MARK4: variants seen among roughly 807,000 people sequenced by gnomAD.
MARK4 encodes MAP/microtubule affinity-regulating kinase 4.
Under a neutral mutation model 81.5 loss-of-function variants are expected in MARK4, and 19 were observed. The observed-to-expected ratio is 0.23, with a 90% CI of 0.16 to 0.34. The LOEUF is 0.34. Ranked by LOEUF, MARK4 falls within the 10% of genes least tolerant of loss-of-function variation. The probability of loss-of-function intolerance (pLI) is 1.00; values close to 1 mark genes in which losing one functional copy is unlikely to be tolerated. For synonymous variants in MARK4, 436 were observed against 439.0 expected (o/e 0.99, Z 0.08); for missense variants, 772 against 1,058.8 (o/e 0.73, Z 3.76).
At position 45,271,448 on chromosome 19, in the gene MARK4, C is replaced by T. The variant is rs758424269; in HGVS notation, c.550-24C>T. ...GGCTTTGGCCTTGAGTCCCACTTTC[C>T]GCCCTCTCCTTCTCTCCCTGCAGGC... On this transcript the variant is annotated intron_variant, in intron 7 of 16. Transcript: ENST00000262891. This position sits in a 1 kb window ranked among gnomAD's most constrained non-coding sequence, Gnocchi z 4.1. 21 of 1,608,866 alleles carry T rather than the reference C, an allele frequency of 1.3e-5. No homozygotes were observed. The highest frequency in any genetic ancestry group is 2.2e-5 in the East Asian group (1 of 44,852).
chr19:45,301,925 T>C (rs1311661130), intron 16 of MARK4, among the ~76,000 whole-genome samples: 1 of 151,940 alleles, frequency 6.6e-6, no homozygotes, highest in Non-Finnish European at 1.5e-5. Context: ...TCAAACCATG[T>C]GGCCAAGCCA....
chr19:45,287,855 G>C (rs1489022891), intron 13 of MARK4, 191 bp downstream of exon 13: 4 of 676,914 alleles, frequency 5.9e-6, no homozygotes, highest in African/African-American at 1.8e-5. Flanking sequence ...AACATTTGAT[G>C]TTAGCGTATA....
At position 45,285,407 on chromosome 19, in the gene MARK4, C is replaced by T. The variant is rs528839621; in HGVS notation, c.1277-2040C>T. 1.2e-4 allele frequency among the ~76,000 whole-genome samples: 19 copies of T among 152,128 alleles called. No homozygotes were observed. The South Asian group carries it at 3.9e-3, about 32-fold the overall frequency. ...AATGGGGGCACAGGAGGACACATTG[C>T]ACAAAGTGGCTGCTGAAAGCCTGCG... On this transcript the variant is annotated intron_variant, in intron 12 of 16. Coordinates refer to ENST00000262891, the MANE Select transcript of MARK4 (RefSeq NM_001199867.2).
At chr19:45,283,752 G>T (rs1970707702) in intron 12 of MARK4, among the ~76,000 whole-genome samples, 1 of 152,140 alleles carries the variant, frequency 6.6e-6, no homozygotes, top group Admixed American at 6.6e-5. Flanking sequence ...CCGTGTTTTT[G>T]TGTGGCTGTG....
Position 45,287,578 on chromosome 19 carries a change from C to T in MARK4, c.1408C>T (p.Pro470Ser). 6.3e-7 allele frequency: 1 copy of T among 1,595,090 alleles called. No homozygotes were observed. The highest frequency in any genetic ancestry group is 8.6e-7 in the Non-Finnish European group (1 of 1,168,672). The stretch of plus-strand genomic sequence containing the variant: ...CGCGGGGAGTGGGAGTCGAGGGCTG[C>T]CCCCCTCCAGCCCCATGGTCAGCAG... ...STAGSGSRGL[P>S]PSSPMVSSAH... Residue 470 changes from proline to serine, a missense_variant, in exon 13 of 17, where the codon CCC becomes TCC. Physicochemically the swap from Pro to Ser is moderately conservative, Grantham distance 74 (BLOSUM62 -1). This residue lies in a region of MARK4 where 548 missense variants were observed against 624.3 expected (regional missense o/e 0.88). Transcript: ENST00000262891.
In MARK4 at chr19:45,302,867, G is replaced by A. The variant is rs1013399689; in HGVS notation, c.*157G>A. The A allele has an allele frequency of 1.0e-4, 123 of 1,210,538 alleles. No individual in the cohort carries two copies. The East Asian group carries it at 3.1e-3, about 31-fold the overall frequency. 75.0% of individuals were successfully genotyped at this position (1,210,538 alleles called of 1,614,324 possible). ...AGATTGTCCCCTCTGCTGTTCTCTG[G>A]GGCCGCTCAGCACAGAAGAAGGATG... is the stretch of plus-strand genomic sequence containing the variant. On this transcript the variant is annotated 3_prime_UTR_variant, in exon 17 of 17. Coordinates refer to ENST00000262891, the MANE Select transcript of MARK4 (RefSeq NM_001199867.2). This position sits in a 1 kb window ranked among gnomAD's most constrained non-coding sequence, Gnocchi z 4.9.
intron 10 of MARK4, chr19:45,280,020 G>A (rs1970650718): frequency 7.0e-6 from 2 of 287,020 alleles, no homozygotes. Flanking sequence ...GTACTGGACA[G>A]GTCAAAGAGC....
Position 45,302,832 on chromosome 19 carries a change from T to C in MARK4, c.*122T>C. The C allele has an allele frequency of 7.1e-7, 1 of 1,403,834 alleles. No homozygotes were observed. The highest frequency in any genetic ancestry group is 9.5e-7 in the Non-Finnish European group (1 of 1,056,376). 87.0% of individuals were successfully genotyped at this position (1,403,834 alleles called of 1,614,324 possible). On this transcript the variant is annotated 3_prime_UTR_variant, in exon 17 of 17. Coordinates refer to ENST00000262891, the MANE Select transcript of MARK4 (RefSeq NM_001199867.2). The surrounding 1 kb of genome is among the most constrained non-coding windows in gnomAD (Gnocchi z 4.9). ...TCACCTCAGTTTCCCTGAATTATATTTGGGGGCAAAGATTGTCCCCTCTGC... is the reference window on the plus strand; with the variant it reads ...TCACCTCAGTTTCCCTGAATTATATCTGGGGGCAAAGATTGTCCCCTCTGC...
chr19:45,292,192 A>G (rs1039192876), intron 13 of MARK4, among the ~76,000 whole-genome samples: 3 of 152,136 alleles, frequency 2.0e-5, no homozygotes, highest in Non-Finnish European at 4.4e-5. Context: ...AGTCCCAGCT[A>G]CTTGGGAGGC....
In MARK4 at chr19:45,280,567, T is replaced by A; in HGVS notation, c.1117-8T>A. 6.2e-7 allele frequency: 1 copy of A among 1,613,790 alleles called. No individual in the cohort carries two copies. Among genetic ancestry groups the A allele is most frequent in the South Asian group, 1.1e-5 (1 of 91,064 alleles). ...TGCAGAAGAGCCTCATCTGTCATCC[T>A]CTCGCAGGAGGGTGGGGACCGGGGC... On this transcript the variant is annotated splice_polypyrimidine_tract_variant and splice_region_variant and intron_variant, in intron 11 of 16. Coordinates refer to ENST00000262891, the MANE Select transcript of MARK4 (RefSeq NM_001199867.2).
intron 13 of MARK4, among the ~76,000 whole-genome samples, chr19:45,290,368 C>T (rs924623880): frequency 5.9e-5 from 9 of 152,196 alleles, no homozygotes; most frequent in Admixed American, 1.3e-4. Flanking sequence ...CAGCCTTGAC[C>T]GGCTTTGACT....
intron 4 of MARK4, 102 bp downstream of exon 4, chr19:45,263,469 C>T (rs1490300369): frequency 2.1e-6 from 3 of 1,447,434 alleles, no homozygotes; most frequent in African/African-American, 2.8e-5. Context: ...CCACCAGGCG[C>T]AGTGGCTCAC....
chr19:45,272,955 C>G (rs1360611640), intron 8 of MARK4, among the ~76,000 whole-genome samples: 1 of 152,146 alleles, frequency 6.6e-6, no homozygotes, highest in Non-Finnish European at 1.5e-5. Context: ...TAAAAGCCAT[C>G]GAATTGTGCA....
At chr19:45,287,831 T>C in intron 13 of MARK4, 167 bp downstream of exon 13, 1 of 797,236 alleles carries the variant, frequency 1.3e-6, no homozygotes, top group East Asian at 2.7e-5. Flanking sequence ...TTGCCTGAGC[T>C]CAGTTTATAC....
rs62118532 is a variant in MARK4, at chr19:45,278,621, G to C, written c.1006+6G>C. The C allele has an allele frequency of 6.2e-7, 1 of 1,607,754 alleles. No individual in the cohort carries two copies. Among genetic ancestry groups the C allele is most frequent in the Non-Finnish European group, 8.5e-7 (1 of 1,174,828 alleles). ...CGGGGACACCAAGAGAATTGGTGAG[G>C]GTCAGGGAGAGCCATCCTGTCACCC... On this transcript the variant is annotated splice_donor_region_variant and intron_variant, in intron 10 of 16. Coordinates refer to ENST00000262891, the MANE Select transcript of MARK4 (RefSeq NM_001199867.2).
intron 15 of MARK4, among the ~76,000 whole-genome samples, chr19:45,298,516 A>T (rs1970923059): frequency 6.6e-6 from 1 of 152,166 alleles, no homozygotes; most frequent in Non-Finnish European, 1.5e-5. Context: ...GTGAGGACTA[A>T]ATGAAGTGAC....
chr19:45,270,819 G>A (rs747849818), intron 7 of MARK4, among the ~76,000 whole-genome samples: 1 of 152,164 alleles, frequency 6.6e-6, no homozygotes, highest in Non-Finnish European at 1.5e-5. Context: ...TGCCCAGGCT[G>A]GAGTGCAATG....
At chr19:45,276,887 A>C (rs1288707054) in intron 8 of MARK4, among the ~76,000 whole-genome samples, 2 of 145,958 alleles carry the variant, frequency 1.4e-5, no homozygotes, top group East Asian at 2.1e-4. Context: ...TGCCTGCCTC[A>C]CCCTCCCAAA....
intron 2 of MARK4, among the ~76,000 whole-genome samples, chr19:45,262,701 AAGGCCCTG>A (rs1289699327): frequency 1.3e-5 from 2 of 152,186 alleles, no homozygotes. Flanking sequence ...AGCTTGTGCA[AAGGCCCTG>A]AGGCCCTGAG....
Sources: allele counts gnomAD v4.1 joint callset (sites outside exome capture counted in the v4.1 genomes callset), GRCh38; gene constraint gnomAD v4.1.1; regional missense constraint gnomAD v4.1.1; non-coding constraint Gnocchi (gnomAD v3.1); transcripts MANE v1.5; gene names NCBI Gene and HGNC (gene_info 2026-07-23, HGNC 2026-07-21).